The following INPP5F variants were observed in gnomAD, a reference collection of about 807,000 sequenced individuals.
The protein encoded by INPP5F is phosphatidylinositide 4-phosphatase SAC2.
In INPP5F, 97 loss-of-function variants were observed where a neutral mutation model predicts 137.2. That is an observed-to-expected ratio of 0.71 (90% CI 0.60 to 0.84). INPP5F has a LOEUF of 0.84. INPP5F is among the 40% of genes least tolerant of loss of function. The probability of loss-of-function intolerance (pLI) is 0.00; values close to 1 mark genes in which losing one functional copy is unlikely to be tolerated. For missense variants in INPP5F, 1,271 were observed against 1,371.9 expected, an observed-to-expected ratio of 0.93 and a Z score of 1.16; for synonymous variants, 504 against 476.9, an observed-to-expected ratio of 1.06 and a Z score of -0.74.
intron 2 of INPP5F, among the ~76,000 whole-genome samples, chr10:119,775,437 G>GT (rs915125567): frequency 7.3e-5 from 11 of 151,684 alleles, no homozygotes; most frequent in East Asian, 1.9e-4. Context: ...TTTTTAAATG[G>GT]TTTTTTTTGT....
chr10:119,796,196 A>G (rs1218359619), intron 6 of INPP5F, among the ~76,000 whole-genome samples: 1 of 152,044 alleles, frequency 6.6e-6, no homozygotes, highest in Non-Finnish European at 1.5e-5. Flanking sequence ...TAGCTTCAGG[A>G]ATTGAGACTT....
At chr10:119,743,253 C>T (rs1216045158) in intron 1 of INPP5F, among the ~76,000 whole-genome samples, 5 of 152,154 alleles carry the variant, frequency 3.3e-5, no homozygotes, top group Admixed American at 2.6e-4. Flanking sequence ...GATCTGATTT[C>T]AACTTGCCTC....
chr10:119,760,222 G>C (rs1456288786), intron 2 of INPP5F, among the ~76,000 whole-genome samples: 2 of 152,158 alleles, frequency 1.3e-5, no homozygotes, highest in Admixed American at 1.3e-4. Context: ...TTAAACTCCA[G>C]TTTTCTTCAG....
At chr10:119,727,078 G>A (rs530119701) in intron 1 of INPP5F, among the ~76,000 whole-genome samples, 6 of 152,334 alleles carry the variant, frequency 3.9e-5, no homozygotes, top group African/African-American at 1.2e-4. Flanking sequence ...AGGAAAATGT[G>A]TGTGCAGTCG....
chr10:119,822,558 G>A (rs1441469901), intron 17 of INPP5F, 54 bp downstream of exon 17: 1 of 789,348 alleles, frequency 1.3e-6, no homozygotes, highest in African/African-American at 1.8e-5. Context: ...TTGTTTCCAA[G>A]AGGGGGTCAA....
intron 15 of INPP5F, chr10:119,814,410 A>G (rs1242191702): frequency 6.6e-6 from 1 of 152,156 alleles, no homozygotes. Context: ...AAATAAATAA[A>G]TAAATAATAA....
chr10:119,731,401 C>T (rs1054548569), intron 1 of INPP5F, among the ~76,000 whole-genome samples: 8 of 151,826 alleles, frequency 5.3e-5, no homozygotes, highest in East Asian at 1.9e-4. Context: ...TGGTGGCTCG[C>T]GCCTGTAATC....
chr10:119,778,457 T>G (rs949646654), intron 2 of INPP5F, among the ~76,000 whole-genome samples: 1 of 152,172 alleles, frequency 6.6e-6, no homozygotes. Context: ...ACTGAAAAAT[T>G]GATTTGCATG....
At chr10:119,775,870 A>G (rs1427881364) in intron 2 of INPP5F, among the ~76,000 whole-genome samples, 2 of 152,204 alleles carry the variant, frequency 1.3e-5, no homozygotes, top group Non-Finnish European at 2.9e-5. Context: ...TAGTTTTTCA[A>G]CTATAGATTG....
At chr10:119,791,755 A>C in intron 4 of INPP5F, 110 bp downstream of exon 4, 4 of 1,311,936 alleles carry the variant, frequency 3.0e-6, no homozygotes, top group Non-Finnish European at 4.2e-6. Context: ...GTATTGAAGC[A>C]CCATCTCCTT....
chr10:119,791,874 GGAAAGTAAAGAGAAGGA>G lies in INPP5F; in HGVS notation c.454_470del (p.Ser152ValfsTer7). ...AGTAGATTAATTTCTTATAGGTTAA[GGAAAGTAAAGAGAAGGA>G]GAAGTTGGAGAGGAGATTACTTGAA... On this transcript the variant is annotated frameshift_variant, in exon 5 of 20. Coordinates refer to ENST00000650623, the MANE Select transcript of INPP5F (RefSeq NM_014937.4). LOFTEE classifies it high-confidence loss of function. 2 of 1,602,022 alleles carry G rather than the reference GGAAAGTAAAGAGAAGGA, an allele frequency of 1.2e-6. No homozygotes were observed. The highest frequency in any genetic ancestry group is 3.3e-4 in the Middle Eastern group (2 of 5,998).
chr10:119,759,320 C>T (rs552556428), intron 2 of INPP5F, among the ~76,000 whole-genome samples: 1 of 152,224 alleles, frequency 6.6e-6, no homozygotes, highest in East Asian at 1.9e-4. Context: ...CTGTGCCCAG[C>T]CTCAGATACA....
At chr10:119,732,656 A>G (rs888883142) in intron 1 of INPP5F, among the ~76,000 whole-genome samples, 1 of 151,552 alleles carries the variant, frequency 6.6e-6, no homozygotes, top group African/African-American at 2.4e-5. Flanking sequence ...TACTGCCACC[A>G]TGCCTGGCTA....
intron 2 of INPP5F, among the ~76,000 whole-genome samples, chr10:119,771,874 ATATATATATTTTTTTTTTTTTTT>A (rs1351520755): frequency 3.0e-4 from 6 of 20,310 alleles, no homozygotes; most frequent in South Asian, 7.1e-3. Context: ...ATATATATAT[ATATATATATTTTTTTTTTTTTTT>A]TTTTTTTTTT....
intron 2 of INPP5F, among the ~76,000 whole-genome samples, chr10:119,767,185 G>C (rs1317731468): frequency 6.6e-6 from 1 of 150,624 alleles, no homozygotes; most frequent in Non-Finnish European, 1.5e-5. Context: ...GGAGCATGGA[G>C]GGGTAGGAAG....
In INPP5F at chr10:119,796,885, C is replaced by T. The variant is rs1850403777; in HGVS notation, c.840C>T (p.Leu280=). 1 of 1,614,120 alleles carries T rather than the reference C, an allele frequency of 6.2e-7. No individual in the cohort carries two copies. The highest frequency in any genetic ancestry group is 1.1e-5 in the South Asian group (1 of 91,074). ...TTCACCCACGATTTCTAGTGGCTCT[C>T]ATTTCACGCCGAAGTAGGCACAGAG... The part of the protein sequence containing the change: ...DDIHPRFLVA[L]ISRRSRHRAG... The change falls in exon 7 of 20, where the codon CTC becomes CTT. Residue 280 remains leucine, a synonymous_variant. Transcript: ENST00000650623.
At chr10:119,744,876 T>C (rs1294710695) in intron 1 of INPP5F, among the ~76,000 whole-genome samples, 1 of 152,230 alleles carries the variant, frequency 6.6e-6, no homozygotes, top group Non-Finnish European at 1.5e-5. Flanking sequence ...CAGTTATTTC[T>C]TCTTGATCAT....
chr10:119,798,729 C>A, intron 9 of INPP5F, 119 bp downstream of exon 9: 8 of 402,190 alleles, frequency 2.0e-5, no homozygotes, highest in East Asian at 5.1e-5. Flanking sequence ...TGAAGTTTAA[C>A]ACATTTAAGC....
chr10:119,793,291 C>A (rs916840539), intron 6 of INPP5F, among the ~76,000 whole-genome samples: 4 of 152,134 alleles, frequency 2.6e-5, no homozygotes, highest in African/African-American at 9.7e-5. Context: ...ATTGCTAGAA[C>A]AGAAATACAA....
Sources: allele counts gnomAD v4.1 joint callset (sites outside exome capture counted in the v4.1 genomes callset), GRCh38; gene constraint gnomAD v4.1.1; transcripts MANE v1.5; gene names NCBI Gene and HGNC (gene_info 2026-07-23, HGNC 2026-07-21).